The following VWA3B variants were observed in gnomAD, a reference collection of about 807,000 sequenced individuals.
The protein encoded by VWA3B is von Willebrand factor A domain containing 3B.
Under a neutral mutation model 158.3 loss-of-function variants are expected in VWA3B, and 138 were observed. The observed-to-expected ratio is 0.87, with a 90% CI of 0.76 to 1.00. The LOEUF (loss-of-function observed/expected upper bound fraction) is 1.00, where lower values mean the gene tolerates loss of function less well. VWA3B is among the 50% of genes least tolerant of loss of function. The pLI is 0.00. For missense variants in VWA3B, 1,555 were observed against 1,565.1 expected, an observed-to-expected ratio of 0.99 and a Z score of 0.11; for synonymous variants, 596 against 587.3, an observed-to-expected ratio of 1.01 and a Z score of -0.21.
chr2:98,141,630 A>G (rs1215964345), intron 7 of VWA3B, among the ~76,000 whole-genome samples: 1 of 152,216 alleles, frequency 6.6e-6, no homozygotes, highest in African/African-American at 2.4e-5. Flanking sequence ...GAGGACAGAC[A>G]TCCAAACTCT....
intron 23 of VWA3B, among the ~76,000 whole-genome samples, chr2:98,295,298 T>A (rs1340724258): frequency 6.6e-6 from 1 of 151,806 alleles, no homozygotes; most frequent in Non-Finnish European, 1.5e-5. Context: ...GCCAAAGGTT[T>A]AAAAAAAAGA....
At chr2:98,152,430 A>G (rs926927441) in intron 7 of VWA3B, among the ~76,000 whole-genome samples, 1 of 152,166 alleles carries the variant, frequency 6.6e-6, no homozygotes, top group Non-Finnish European at 1.5e-5. Context: ...TCTTTAAGGC[A>G]GACAGTCCCA....
intron 2 of VWA3B, among the ~76,000 whole-genome samples, chr2:98,096,776 T>C (rs1376931224): frequency 2.0e-5 from 3 of 152,166 alleles, no homozygotes; most frequent in Admixed American, 2.0e-4. Context: ...TTTTCCTTTT[T>C]TACCTCTGAT....
intron 11 of VWA3B, among the ~76,000 whole-genome samples, chr2:98,194,028 AT>A (rs1284561174): frequency 6.6e-6 from 1 of 152,184 alleles, no homozygotes; most frequent in East Asian, 1.9e-4. Context: ...AGCATATTGT[AT>A]TTGGTGTGCT....
At chr2:98,297,037 T>C (rs1369611251) in intron 23 of VWA3B, among the ~76,000 whole-genome samples, 1 of 151,870 alleles carries the variant, frequency 6.6e-6, no homozygotes, top group Non-Finnish European at 1.5e-5. Context: ...TTATCTATCA[T>C]GCACTCCTTT....
intron 10 of VWA3B, among the ~76,000 whole-genome samples, chr2:98,191,521 A>T (rs1681568176): frequency 6.6e-6 from 1 of 152,202 alleles, no homozygotes; most frequent in Non-Finnish European, 1.5e-5. Flanking sequence ...CTTTTCAGTT[A>T]TGTTAGAATA....
intron 22 of VWA3B, among the ~76,000 whole-genome samples, chr2:98,278,327 GA>G (rs1168556686): frequency 6.6e-6 from 1 of 152,224 alleles, no homozygotes; most frequent in Non-Finnish European, 1.5e-5. Flanking sequence ...GCAGCTTCTA[GA>G]GGAGTACCCA....
intron 5 of VWA3B, among the ~76,000 whole-genome samples, chr2:98,123,824 A>C (rs574584981): frequency 6.6e-6 from 1 of 152,262 alleles, no homozygotes; most frequent in African/African-American, 2.4e-5. Flanking sequence ...AGGGTGGTGT[A>C]CAGGATGAAA....
the VWA3B span, among the ~76,000 whole-genome samples, chr2:98,321,727 C>CTG: frequency 6.6e-6 from 1 of 152,158 alleles, no homozygotes; most frequent in Admixed American, 6.5e-5. Context: ...AGACTTTGGA[C>CTG]TGTGGACTTC....
At chr2:98,287,601 A>C (rs1689240793) in intron 22 of VWA3B, among the ~76,000 whole-genome samples, 1 of 152,184 alleles carries the variant, frequency 6.6e-6, no homozygotes, top group African/African-American at 2.4e-5. Context: ...GTTGGACTTT[A>C]CAAGTCAAAA....
intron 7 of VWA3B, 33 bp downstream of exon 7, chr2:98,133,972 A>G (rs1039360653): frequency 1.9e-6 from 3 of 1,576,132 alleles, no homozygotes; most frequent in East Asian, 2.2e-5. Context: ...GGTGTAGCTT[A>G]TGTCCCGAAT....
intron 5 of VWA3B, among the ~76,000 whole-genome samples, chr2:98,124,124 C>G (rs77280772): frequency 0.013 from 1,973 of 152,300 alleles, 26 homozygotes; most frequent in Non-Finnish European, 0.022. Context: ...AATCCATGAC[C>G]CTGGCAGTTC....
intron 26 of VWA3B, among the ~76,000 whole-genome samples, chr2:98,309,913 C>A (rs962270262): frequency 5.3e-5 from 8 of 152,194 alleles, no homozygotes; most frequent in African/African-American, 4.8e-5. Context: ...GCAACAAACC[C>A]TGTCTGTGAG....
intron 17 of VWA3B, among the ~76,000 whole-genome samples, chr2:98,235,307 C>T (rs1041543755): frequency 1.3e-5 from 2 of 152,210 alleles, no homozygotes; most frequent in African/African-American, 4.8e-5. Context: ...CACATATACA[C>T]ACAATCCCCT....
At chr2:98,143,604 T>G (rs1023634849) in intron 7 of VWA3B, among the ~76,000 whole-genome samples, 10 of 152,100 alleles carry the variant, frequency 6.6e-5, no homozygotes, top group African/African-American at 1.7e-4. Flanking sequence ...TGAGGCACTG[T>G]CCTATATTCA....
chr2:98,104,013 A>G (rs1355178496), intron 2 of VWA3B, among the ~76,000 whole-genome samples: 1 of 152,182 alleles, frequency 6.6e-6, no homozygotes, highest in Admixed American at 6.5e-5. Context: ...TTTGATATTA[A>G]TATAGCCACT....
At chr2:98,115,436 A>C (rs1336071473) in intron 2 of VWA3B, among the ~76,000 whole-genome samples, 1 of 152,222 alleles carries the variant, frequency 6.6e-6, no homozygotes, top group Non-Finnish European at 1.5e-5. Context: ...GAGAACTTAA[A>C]GTATAATAAA....
At chr2:98,316,646 CAAAAAAAA>C (rs57574289), downstream of VWA3B, among the ~76,000 whole-genome samples, 23 of 64,268 alleles carry the variant, frequency 3.6e-4, no homozygotes, top group East Asian at 0.011. Flanking sequence ...AACTCTGTCT[CAAAAAAAA>C]AAAAAAAAAA....
rs117545343 is a variant in VWA3B, at chr2:98,113,953, G to A, written c.197-1699G>A. 6.6e-5 allele frequency among the ~76,000 whole-genome samples: 10 copies of A among 152,304 alleles called. No homozygotes were observed. The East Asian group carries it at 1.9e-3, about 29-fold the overall frequency. On this transcript the variant is annotated intron_variant, in intron 2 of 27. Coordinates refer to ENST00000477737, the MANE Select transcript of VWA3B (RefSeq NM_144992.5). ...GATTTTCATTCTAGTAGGCAGTTAA[G>A]TTGGCTGGACTCAAACTCCAAACTC...
Sources: allele counts gnomAD v4.1 joint callset (sites outside exome capture counted in the v4.1 genomes callset), GRCh38; gene constraint gnomAD v4.1.1; transcripts MANE v1.5; gene names NCBI Gene and HGNC (gene_info 2026-07-23, HGNC 2026-07-21).